The following CCDC40 variants were observed in gnomAD, a reference collection of about 807,000 sequenced individuals.
CCDC40 encodes the protein coiled-coil domain 40 molecular ruler complex subunit.
A neutral mutation model predicts 124.5 loss-of-function variants in CCDC40; 104 were observed. That is an observed-to-expected ratio of 0.84 (90% CI 0.71 to 0.98). The LOEUF is 0.98. Ranked by LOEUF, CCDC40 falls within the 50% of genes least tolerant of loss-of-function variation. CCDC40 has a pLI of 0.00. For missense variants in CCDC40, 1,463 were observed against 1,503.9 expected, an observed-to-expected ratio of 0.97 and a Z score of 0.45; for synonymous variants, 580 against 602.9, an observed-to-expected ratio of 0.96 and a Z score of 0.56.
intron 9 of CCDC40, among the ~76,000 whole-genome samples, chr17:80,063,232 A>G (rs1598506691): frequency 6.6e-6 from 1 of 152,140 alleles, no homozygotes; most frequent in Non-Finnish European, 1.5e-5. Context: ...AACAATATAT[A>G]GAATTTGATT....
At chr17:80,097,779 G>A (rs1052865053) in intron 19 of CCDC40, 1 of 265,696 alleles carries the variant, frequency 3.8e-6, no homozygotes, top group African/African-American at 2.2e-5. Context: ...ACACACCTGT[G>A]GTGCCAGCTA....
chr17:80,076,465 T>C (rs1176194798), intron 10 of CCDC40, among the ~76,000 whole-genome samples: 1 of 151,564 alleles, frequency 6.6e-6, no homozygotes, highest in Non-Finnish European at 1.5e-5. Flanking sequence ...TCCCAGGTAC[T>C]CGAGAGGCTG....
chr17:80,090,664 C>T (rs920934000), intron 17 of CCDC40: 9 of 1,435,196 alleles, frequency 6.3e-6, no homozygotes, highest in South Asian at 1.5e-5. Context: ...CCTTCACAGC[C>T]GCGTTGTCTC....
rs1364683451 is a variant in CCDC40, at chr17:80,058,876, C to T, written c.1336C>T (p.Leu446Phe). ...TTCCCAGGACCTGTATGTGGACCAG[C>T]TCACCACTCGAGCCCAGCAACTGGA... ...KKKQDLYVDQLTTRAQQLEED... is the reference protein window; with the variant it reads ...KKKQDLYVDQFTTRAQQLEED... Residue 446 changes from leucine to phenylalanine, a missense_variant, in exon 9 of 20, where the codon CTC becomes TTC. By Grantham distance (22) the Leu-to-Phe change is conservative. Coordinates refer to ENST00000397545, the MANE Select transcript of CCDC40 (RefSeq NM_017950.4). This position sits in a 1 kb window ranked among gnomAD's most constrained non-coding sequence, Gnocchi z 4.2. 3 of 1,614,178 alleles carry T rather than the reference C, an allele frequency of 1.9e-6. No individual in the cohort carries two copies. Among genetic ancestry groups the T allele is most frequent in the Non-Finnish European group, 2.5e-6 (3 of 1,180,034 alleles).
intron 17 of CCDC40, chr17:80,090,208 TGC>T: frequency 5.3e-6 from 4 of 750,614 alleles, no homozygotes; most frequent in Middle Eastern, 2.6e-4. Flanking sequence ...CGCAGGCACG[TGC>T]ACGAAGAACA....
At chr17:80,065,749 G>A in intron 10 of CCDC40, 143 bp downstream of exon 10, 2 of 1,114,216 alleles carry the variant, frequency 1.8e-6, no homozygotes, top group Non-Finnish European at 2.6e-6. Context: ...CTTCCGTCCG[G>A]AAAGCTCCCT....
At chr17:80,090,808 C>A in intron 17 of CCDC40, 1 of 1,228,690 alleles carries the variant, frequency 8.1e-7, no homozygotes, top group Non-Finnish European at 1.0e-6. Context: ...CTCACTTTCA[C>A]CATGCCATGC....
intron 3 of CCDC40, among the ~76,000 whole-genome samples, chr17:80,043,471 T>C (rs1484046862): frequency 6.6e-6 from 1 of 151,586 alleles, no homozygotes; most frequent in Non-Finnish European, 1.5e-5. Context: ...AGACATTCGC[T>C]CACATCTATA....
At chr17:80,077,550 G>T (rs542221020) in intron 10 of CCDC40, among the ~76,000 whole-genome samples, 1 of 152,156 alleles carries the variant, frequency 6.6e-6, no homozygotes, top group Non-Finnish European at 1.5e-5. Flanking sequence ...CAGCTGCTGC[G>T]GTGTTTTCCC....
intron 9 of CCDC40, among the ~76,000 whole-genome samples, chr17:80,063,420 C>T (rs2037954551): frequency 6.6e-6 from 1 of 152,188 alleles, no homozygotes; most frequent in Non-Finnish European, 1.5e-5. Context: ...CGGCAGCCAT[C>T]TTTCCATCCT....
Position 80,086,273 on chromosome 17 carries a change from G to A in CCDC40, c.2449+57G>A. 2.1e-6 allele frequency: 3 copies of A among 1,444,794 alleles called. No individual in the cohort carries two copies. The highest frequency in any genetic ancestry group is 1.2e-5 in the South Asian group (1 of 82,062). 89.5% of individuals were successfully genotyped at this position (1,444,794 alleles called of 1,614,324 possible). ...TGCTGAGACGAGCTCTGGGACGTGG[G>A]CACCTCCCAGGGGAGGGGCACTCAG... is the stretch of plus-strand genomic sequence containing the variant. On this transcript the variant is annotated intron_variant, in intron 14 of 19. Transcript: ENST00000397545. This position sits in a 1 kb window ranked among gnomAD's most constrained non-coding sequence, Gnocchi z 5.5.
intron 9 of CCDC40, among the ~76,000 whole-genome samples, chr17:80,062,139 T>C (rs2037915538): frequency 6.7e-6 from 1 of 148,992 alleles, no homozygotes. Context: ...GAATAGAGAC[T>C]CATGGGGGAG....
chr17:80,063,245 GCACA>G (rs1299339674), intron 9 of CCDC40, among the ~76,000 whole-genome samples: 3 of 151,774 alleles, frequency 2.0e-5, no homozygotes, highest in Non-Finnish European at 2.9e-5. Context: ...ATTTGATTTC[GCACA>G]CACACACAAT....
At chr17:80,075,488 G>A (rs559065196) in intron 10 of CCDC40, among the ~76,000 whole-genome samples, 1 of 152,212 alleles carries the variant, frequency 6.6e-6, no homozygotes, top group South Asian at 2.1e-4. Context: ...GGGGACAGAT[G>A]TGCAAGTCCC....
chr17:80,083,261 T>C (rs1598536335), intron 12 of CCDC40, among the ~76,000 whole-genome samples: 1 of 151,636 alleles, frequency 6.6e-6, no homozygotes, highest in Non-Finnish European at 1.5e-5. Flanking sequence ...GATCTCAGGG[T>C]GAACTTGGCA....
rs1413265726 is a variant in CCDC40 at position 80,059,095 on chromosome 17, C to T, written c.1440+115C>T. Reference sequence around the variant, plus strand: ...CCGTCTGCTGGATGAGTGACTGCAGCCAGCTTACATCTGCAAACATCGGGC... The same window carrying T: ...CCGTCTGCTGGATGAGTGACTGCAGTCAGCTTACATCTGCAAACATCGGGC... On this transcript the variant is annotated intron_variant, in intron 9 of 19. Transcript: ENST00000397545. The T allele has an allele frequency of 2.3e-6, 3 of 1,330,654 alleles. No individual in the cohort carries two copies. The Admixed American group carries it at 5.2e-5, about 23-fold the overall frequency. 82.4% of individuals were successfully genotyped at this position (1,330,654 alleles called of 1,614,324 possible).
Position 80,050,131 on chromosome 17 carries a change from A to G in CCDC40, c.1007A>G (p.Gln336Arg). Residue 336 changes from glutamine to arginine, a missense_variant, in exon 7 of 20, where the codon CAG becomes CGG. By Grantham distance (43) the Gln-to-Arg change is conservative. Transcript: ENST00000397545. Reference protein sequence around the residue: ...ELGVNLYEVQQHLVHLQKLLE... With the variant: ...ELGVNLYEVQRHLVHLQKLLE... Reference sequence around the variant, plus strand: ...GGGGTGAATCTCTATGAGGTGCAGCAGCACCTGGTACACCTGCAGAAGCTG... The same window carrying G: ...GGGGTGAATCTCTATGAGGTGCAGCGGCACCTGGTACACCTGCAGAAGCTG... 1 of 1,613,650 alleles carries G rather than the reference A, an allele frequency of 6.2e-7. No individual in the cohort carries two copies. Among genetic ancestry groups the G allele is most frequent in the Non-Finnish European group, 8.5e-7 (1 of 1,179,828 alleles).
intron 3 of CCDC40, among the ~76,000 whole-genome samples, chr17:80,046,797 T>G (rs936650918): frequency 6.6e-6 from 1 of 152,146 alleles, no homozygotes; most frequent in African/African-American, 2.4e-5. Flanking sequence ...GAAATTTCAA[T>G]AAGAAAATGT....
intron 13 of CCDC40, among the ~76,000 whole-genome samples, chr17:80,085,606 G>A (rs1409315578): frequency 1.3e-5 from 2 of 151,870 alleles, no homozygotes; most frequent in Non-Finnish European, 2.9e-5. Flanking sequence ...ATGACCTCAG[G>A]GTTCCAGGCC....
Sources: allele counts gnomAD v4.1 joint callset (sites outside exome capture counted in the v4.1 genomes callset), GRCh38; gene constraint gnomAD v4.1.1; non-coding constraint Gnocchi (gnomAD v3.1); transcripts MANE v1.5; gene names NCBI Gene and HGNC (gene_info 2026-07-23, HGNC 2026-07-21).